The following CCDC38 variants were observed in gnomAD, a reference collection of about 807,000 sequenced individuals.
CCDC38 encodes coiled-coil domain-containing protein 38.
In CCDC38, 69 loss-of-function variants were observed where a neutral mutation model predicts 72.8. The observed-to-expected ratio is 0.95, with a 90% CI of 0.78 to 1.16. The LOEUF is 1.16. Ranked by LOEUF, CCDC38 falls within the 50% of genes most tolerant of loss-of-function variation. The probability of loss-of-function intolerance (pLI) is 0.00; values close to 1 mark genes in which losing one functional copy is unlikely to be tolerated. For missense variants in CCDC38, 626 were observed against 638.9 expected, an observed-to-expected ratio of 0.98 and a Z score of 0.22; for synonymous variants, 201 against 213.2, an observed-to-expected ratio of 0.94 and a Z score of 0.50.
intron 2 of CCDC38, chr12:95,935,544 G>A (rs1025362656): frequency 2.1e-5 from 7 of 326,884 alleles, no homozygotes; most frequent in Non-Finnish European, 3.7e-5. Flanking sequence ...GAGAACAAAC[G>A]TCTATCATGT....
At chr12:95,891,470 A>G (rs1412169750) in intron 8 of CCDC38, among the ~76,000 whole-genome samples, 1 of 151,938 alleles carries the variant, frequency 6.6e-6, no homozygotes, top group African/African-American at 2.4e-5. Context: ...CTCAGCCTCC[A>G]GAGTAGCTGG....
chr12:95,911,631 T>C (rs2080095525), intron 4 of CCDC38, among the ~76,000 whole-genome samples: 1 of 152,134 alleles, frequency 6.6e-6, no homozygotes, highest in Admixed American at 6.5e-5. Context: ...ACATTGCCAA[T>C]CATCAGAGAA....
intron 2 of CCDC38, among the ~76,000 whole-genome samples, chr12:95,925,671 G>A: frequency 6.6e-6 from 1 of 152,172 alleles, no homozygotes; most frequent in Non-Finnish European, 1.5e-5. Flanking sequence ...AATATTGGCT[G>A]TGGGTTTGTC....
At chr12:95,911,100 T>A (rs1004752318) in intron 4 of CCDC38, among the ~76,000 whole-genome samples, 2 of 152,056 alleles carry the variant, frequency 1.3e-5, no homozygotes, top group East Asian at 3.9e-4. Flanking sequence ...TACAACCAAC[T>A]GATTGTCAAC....
Position 95,927,816 on chromosome 12 carries a change from A to G in CCDC38, c.37+8657T>C, listed in dbSNP as rs1188448852. ...CTTACGAAGCTTAGTTTGGCTGGAT[A>G]TGAAATTCTGGGTTGAAAATTCTTT... is the stretch of plus-strand genomic sequence containing the variant. On this transcript the variant is annotated intron_variant, in intron 2 of 15. Coordinates refer to ENST00000344280, the MANE Select transcript of CCDC38 (RefSeq NM_182496.3). 4.0e-5 allele frequency among the ~76,000 whole-genome samples: 6 copies of G among 149,500 alleles called. No individual in the cohort carries two copies. In the East Asian group the frequency reaches 9.9e-4, roughly 25 times the overall value.
chr12:95,884,868 AT>A (rs1454572030), intron 10 of CCDC38, among the ~76,000 whole-genome samples: 2 of 151,846 alleles, frequency 1.3e-5, no homozygotes, highest in African/African-American at 4.9e-5. Flanking sequence ...TAATAAAAAT[AT>A]ATATATTTTT....
rs63374760 is a variant in CCDC38 at position 95,889,033 on chromosome 12, C to CTTTTTT, written c.872-533_872-528dup. ...CATCTTATTATTATTATTGTCTCAG[C>CTTTTTT]TTTTTTTTTTTTTTTTTTTTTTGAG... On this transcript the variant is annotated intron_variant, in intron 9 of 15. Transcript: ENST00000344280. 115 of 85,080 alleles carry CTTTTTT rather than the reference C, an allele frequency of 1.4e-3. 7 individuals carry two copies. Among genetic ancestry groups the CTTTTTT allele is most frequent in the African/African-American group, 4.2e-3 (80 of 18,994 alleles). 5.3% of individuals were successfully genotyped at this position (85,080 alleles called of 1,614,324 possible). A position where few individuals can be genotyped will look rare whatever the true frequency, so the allele number is the denominator to read the frequency against.
At chr12:95,885,280 A>T (rs1450031058) in intron 10 of CCDC38, 1 of 153,584 alleles carries the variant, frequency 6.5e-6, no homozygotes, top group Non-Finnish European at 1.5e-5. Flanking sequence ...TAAAGAAGAC[A>T]CTGTTTGGAC....
intron 10 of CCDC38, 121 bp downstream of exon 10, chr12:95,888,337 C>T: frequency 1.2e-6 from 1 of 856,264 alleles, no homozygotes; most frequent in South Asian, 1.6e-5. Context: ...GGCACCACTA[C>T]TTCCAGGATC....
In CCDC38 at chr12:95,895,701, C is replaced by T. The variant is rs149797793; in HGVS notation, c.615-555G>A. On this transcript the variant is annotated intron_variant, in intron 7 of 15. Coordinates refer to ENST00000344280, the MANE Select transcript of CCDC38 (RefSeq NM_182496.3). ...CCGGATGGCAGAGGTTGCAGTGGGC[C>T]GAGATCGTGCCATTGCACTCTAGCC... 7.9e-3 allele frequency among the ~76,000 whole-genome samples: 1,044 copies of T among 131,584 alleles called. 9 individuals are homozygous for T. Among genetic ancestry groups the T allele is most frequent in the Middle Eastern group, 0.029 (6 of 206 alleles). The allele number at this position is 131,584 out of a possible 152,430, so 86.3% of individuals were successfully genotyped here.
At chr12:95,927,234 G>T (rs527424048) in intron 2 of CCDC38, among the ~76,000 whole-genome samples, 222 of 148,732 alleles carry the variant, frequency 1.5e-3, no homozygotes, top group African/African-American at 5.3e-3. Context: ...TCCTGTATTG[G>T]GTGCATATAT....
intron 5 of CCDC38, among the ~76,000 whole-genome samples, chr12:95,904,623 T>C (rs1489942064): frequency 1.3e-5 from 2 of 152,220 alleles, no homozygotes; most frequent in African/African-American, 4.8e-5. Context: ...ACAGAGAATA[T>C]TGTCAACAAG....
At chr12:95,874,476 A>C (rs1280996605) in intron 13 of CCDC38, among the ~76,000 whole-genome samples, 1 of 152,188 alleles carries the variant, frequency 6.6e-6, no homozygotes, top group Non-Finnish European at 1.5e-5. Context: ...TTAATATAAC[A>C]AGGTAAGAAC....
At chr12:95,868,876 C>G (rs1309723491) in intron 15 of CCDC38, among the ~76,000 whole-genome samples, 1 of 152,112 alleles carries the variant, frequency 6.6e-6, no homozygotes, top group Non-Finnish European at 1.5e-5. Flanking sequence ...GTCAAAGTGA[C>G]TCTGGGCAAA....
intron 4 of CCDC38, 118 bp downstream of exon 4, chr12:95,917,011 T>A: frequency 3.1e-6 from 2 of 643,760 alleles, no homozygotes; most frequent in Non-Finnish European, 4.9e-6. Flanking sequence ...GTACTAAGAC[T>A]CCCTACCATT....
chr12:95,935,026 C>T (rs1327199038), intron 2 of CCDC38: 1 of 152,102 alleles, frequency 6.6e-6, no homozygotes, highest in African/African-American at 2.4e-5. Context: ...TTATCCCATT[C>T]CCTGGTTGTA....
intron 1 of CCDC38, among the ~76,000 whole-genome samples, chr12:95,940,234 A>G (rs1403162149): frequency 6.6e-6 from 1 of 152,168 alleles, no homozygotes; most frequent in Non-Finnish European, 1.5e-5. Flanking sequence ...AAACCTGGTC[A>G]TTGGAGAGGA....
intron 5 of CCDC38, among the ~76,000 whole-genome samples, chr12:95,905,815 GT>G (rs2079995210): frequency 6.6e-6 from 1 of 152,122 alleles, no homozygotes; most frequent in South Asian, 2.1e-4. Context: ...AAATAATCAT[GT>G]TTTCAGTTAT....
chr12:95,927,557 A>G (rs1016219876), intron 2 of CCDC38, among the ~76,000 whole-genome samples: 1 of 152,040 alleles, frequency 6.6e-6, no homozygotes, highest in African/African-American at 2.4e-5. Context: ...TGATATTGTT[A>G]TGTGTGAATT....
Sources: gnomAD v4.1 joint callset for allele counts (sites outside exome capture counted in the v4.1 genomes callset) on GRCh38, gnomAD v4.1.1 for gene constraint, MANE v1.5 for transcripts, NCBI Gene and HGNC (gene_info 2026-07-23, HGNC 2026-07-21) for gene names.